The following CYP7B1 variants were observed in gnomAD, a reference collection of about 807,000 sequenced individuals.
CYP7B1 encodes cytochrome P450 family 7 subfamily B member 1.
A neutral mutation model predicts 42.7 loss-of-function variants in CYP7B1; 29 were observed. The ratio of observed to expected loss-of-function variants is 0.68; its 90% confidence interval spans 0.51 to 0.93. The LOEUF (loss-of-function observed/expected upper bound fraction) is 0.93. Among genes scored for constraint, CYP7B1 ranks in the 40% least tolerant of loss-of-function variants. CYP7B1 has a pLI of 0.00. For missense variants in CYP7B1, 655 were observed against 600.5 expected (o/e 1.09, Z -0.95); for synonymous variants, 235 against 218.2 (o/e 1.08, Z -0.68).
At chr8:64,702,318 G>A (rs1311052345) in intron 1 of CYP7B1, among the ~76,000 whole-genome samples, 1 of 152,060 alleles carries the variant, frequency 6.6e-6, no homozygotes, top group African/African-American at 2.4e-5. Context: ...CTGAAATTAA[G>A]GTTAATGTTA....
intron 1 of CYP7B1, among the ~76,000 whole-genome samples, chr8:64,715,432 G>T (rs1420092590): frequency 6.6e-6 from 1 of 152,154 alleles, no homozygotes; most frequent in Admixed American, 6.5e-5. Flanking sequence ...TTGGGCTTCT[G>T]TTCACTTGGC....
intron 1 of CYP7B1, among the ~76,000 whole-genome samples, chr8:64,633,750 G>A (rs1004534120): frequency 6.6e-6 from 1 of 152,044 alleles, no homozygotes; most frequent in African/African-American, 2.4e-5. Flanking sequence ...GATGTTTTAT[G>A]GATATCAACA....
At chr8:64,713,295 C>T (rs1026516201) in intron 1 of CYP7B1, among the ~76,000 whole-genome samples, 1 of 151,846 alleles carries the variant, frequency 6.6e-6, no homozygotes, top group Non-Finnish European at 1.5e-5. Flanking sequence ...ATCCATCATC[C>T]CAAACCATAA....
chr8:64,745,678 G>A (rs1189514080), intron 1 of CYP7B1, among the ~76,000 whole-genome samples: 1 of 152,114 alleles, frequency 6.6e-6, no homozygotes, highest in Non-Finnish European at 1.5e-5. Context: ...TAGCTTCCAA[G>A]CCTGTTTCCT....
rs755551385 is a variant in CYP7B1, at chr8:64,592,364, A to G, written c.*4278T>C. Among the ~76,000 whole-genome samples the G allele has an allele frequency of 6.6e-6, 1 of 152,224 alleles. No individual in the cohort carries two copies. Among genetic ancestry groups the G allele is most frequent in the Non-Finnish European group, 1.5e-5 (1 of 68,028 alleles). ...ACAGACCATTACTTTGGAATGACTG[A>G]TGGAAGGCTAGTTAGAACTAGTGAT... On this transcript the variant is annotated 3_prime_UTR_variant, in exon 6 of 6. Coordinates refer to ENST00000310193, the MANE Select transcript of CYP7B1 (RefSeq NM_004820.5).
intron 1 of CYP7B1, among the ~76,000 whole-genome samples, chr8:64,767,807 G>A (rs536785291): frequency 2.2e-4 from 34 of 152,172 alleles, no homozygotes; most frequent in African/African-American, 7.5e-4. Flanking sequence ...ACTACAAATC[G>A]TTCTTCAAAT....
chr8:64,693,202 T>C (rs1429174920), intron 1 of CYP7B1, among the ~76,000 whole-genome samples: 1 of 152,216 alleles, frequency 6.6e-6, no homozygotes, highest in Admixed American at 6.5e-5. Context: ...GGTCTGGCCA[T>C]GGCTATTGGG....
intron 1 of CYP7B1, among the ~76,000 whole-genome samples, chr8:64,631,617 C>T (rs1290107763): frequency 1.3e-5 from 2 of 152,062 alleles, no homozygotes; most frequent in African/African-American, 2.4e-5. Flanking sequence ...AAACAACTGA[C>T]AGAGTCAAAA....
rs540275813 is a variant in CYP7B1 at position 64,764,562 on chromosome 8, C to T, written c.122+33904G>A. On this transcript the variant is annotated intron_variant, in intron 1 of 5. Coordinates refer to ENST00000310193, the MANE Select transcript of CYP7B1 (RefSeq NM_004820.5). Reference sequence around the variant, plus strand: ...GTGACCCTGTAACACTCCAATACTACCTTGTTGTCAGTGTAAACAAGGGCA... The same window carrying T: ...GTGACCCTGTAACACTCCAATACTATCTTGTTGTCAGTGTAAACAAGGGCA... 5.9e-5 allele frequency among the ~76,000 whole-genome samples: 9 copies of T among 152,236 alleles called. No homozygotes were observed. In the South Asian group the frequency reaches 1.9e-3, roughly 32 times the overall value.
intron 1 of CYP7B1, among the ~76,000 whole-genome samples, chr8:64,734,822 C>T (rs1282481852): frequency 1.3e-5 from 2 of 152,146 alleles, no homozygotes; most frequent in Non-Finnish European, 2.9e-5. Flanking sequence ...CTTTTCTTTA[C>T]AAACTTTTTT....
chr8:64,669,736 C>T (rs1806337555), intron 1 of CYP7B1, among the ~76,000 whole-genome samples: 1 of 151,974 alleles, frequency 6.6e-6, no homozygotes, highest in Non-Finnish European at 1.5e-5. Flanking sequence ...TACACACACA[C>T]ACACACACAC....
At chr8:64,588,617 C>A (rs1804998374), downstream of CYP7B1, among the ~76,000 whole-genome samples, 3 of 152,228 alleles carry the variant, frequency 2.0e-5, no homozygotes. Context: ...TGTTACATAT[C>A]CTTACCCACT....
At position 64,763,259 on chromosome 8, in the gene CYP7B1, A is replaced by G. The variant is rs1342199743; in HGVS notation, c.122+35207T>C. Among the ~76,000 whole-genome samples the G allele has an allele frequency of 2.0e-5, 3 of 152,182 alleles. No individual in the cohort carries two copies. The East Asian group carries it at 5.8e-4, about 29-fold the overall frequency. On this transcript the variant is annotated intron_variant, in intron 1 of 5. Coordinates refer to ENST00000310193, the MANE Select transcript of CYP7B1 (RefSeq NM_004820.5). ...TGGGTTCGTCCTAATCGAGCTGAAC[A>G]CTAGTTGCTGGGTTCCACGGTTCTC...
intron 1 of CYP7B1, among the ~76,000 whole-genome samples, chr8:64,665,308 T>C (rs1806257848): frequency 6.6e-6 from 1 of 152,056 alleles, no homozygotes; most frequent in Non-Finnish European, 1.5e-5. Context: ...CACTCTCTTG[T>C]TTTGGAGATT....
chr8:64,642,980 C>T (rs1267607119), intron 1 of CYP7B1, among the ~76,000 whole-genome samples: 1 of 151,548 alleles, frequency 6.6e-6, no homozygotes, highest in Non-Finnish European at 1.5e-5. Context: ...TTAATTTGGC[C>T]TCCCAGTCAT....
At chr8:64,604,633 T>C in intron 5 of CYP7B1, 49 bp downstream of exon 5, 1 of 1,607,548 alleles carries the variant, frequency 6.2e-7, no homozygotes, top group Non-Finnish European at 8.5e-7. Flanking sequence ...AAGAGGAATG[T>C]GCCCACAGGA....
At chr8:64,748,919 A>G (rs1256236886) in intron 1 of CYP7B1, among the ~76,000 whole-genome samples, 1 of 152,206 alleles carries the variant, frequency 6.6e-6, no homozygotes, top group African/African-American at 2.4e-5. Flanking sequence ...CTACAGCTAG[A>G]GAAAGATAAC....
rs10113340 is a variant in CYP7B1 at position 64,669,881 on chromosome 8, G to T, written c.123-45342C>A. ...TGCATAGAATTCCAAAGGGAGAACA[G>T]GTATCATTTCATTCAATTGAATTTA... On this transcript the variant is annotated intron_variant, in intron 1 of 5. Coordinates refer to ENST00000310193, the MANE Select transcript of CYP7B1 (RefSeq NM_004820.5). Among the ~76,000 whole-genome samples, 1,098 of 152,268 alleles carry T rather than the reference G, an allele frequency of 7.2e-3. 10 individuals are homozygous for T. The highest frequency in any genetic ancestry group is 0.025 in the African/African-American group (1,049 of 41,552).
rs192891037 is a variant in CYP7B1, at chr8:64,628,168, G to A, written c.123-3629C>T. Reference sequence around the variant, plus strand: ...CATTTCCTCAAATCTTCTCATTACCGTTTAAAAAACTATAAGAACACATCT... The same window carrying A: ...CATTTCCTCAAATCTTCTCATTACCATTTAAAAAACTATAAGAACACATCT... On this transcript the variant is annotated intron_variant, in intron 1 of 5. Transcript: ENST00000310193. Among the ~76,000 whole-genome samples the A allele has an allele frequency of 5.3e-5, 8 of 152,172 alleles. No individual in the cohort carries two copies. In the East Asian group the frequency reaches 9.6e-4, roughly 18 times the overall value.
Sources: allele counts gnomAD v4.1 joint callset (sites outside exome capture counted in the v4.1 genomes callset), GRCh38; gene constraint gnomAD v4.1.1; transcripts MANE v1.5; gene names NCBI Gene and HGNC (gene_info 2026-07-23, HGNC 2026-07-21).